ARHGEF18: variants seen among roughly 807,000 people sequenced by gnomAD.
ARHGEF18 encodes rho guanine nucleotide exchange factor 18.
A neutral mutation model predicts 155.7 loss-of-function variants in ARHGEF18; 93 were observed. The ratio of observed to expected loss-of-function variants is 0.60; its 90% confidence interval spans 0.50 to 0.71. The LOEUF (loss-of-function observed/expected upper bound fraction) is 0.71, where lower values mean the gene tolerates loss of function less well. ARHGEF18 is among the 30% of genes least tolerant of loss of function. ARHGEF18 has a pLI of 0.00. For missense variants in ARHGEF18, 1,593 were observed against 1,816.1 expected (o/e 0.88, Z 2.23); for synonymous variants, 742 against 753.1 (o/e 0.99, Z 0.24).
chr19:7,385,719 G>A (rs1476095516), intron 10 of ARHGEF18, among the ~76,000 whole-genome samples: 1 of 151,616 alleles, frequency 6.6e-6, no homozygotes, highest in Non-Finnish European at 1.5e-5. Context: ...CAAGTGATTT[G>A]CCTGCCTTGG....
chr19:7,460,197 G>A (rs915723328), intron 20 of ARHGEF18, among the ~76,000 whole-genome samples: 1 of 152,122 alleles, frequency 6.6e-6, no homozygotes, highest in Non-Finnish European at 1.5e-5. Context: ...CCCTTTGGGG[G>A]TATGTGGGAG....
intron 15 of ARHGEF18, among the ~76,000 whole-genome samples, chr19:7,448,513 T>C (rs1975146487): frequency 6.6e-6 from 1 of 151,938 alleles, no homozygotes; most frequent in African/African-American, 2.4e-5. Flanking sequence ...TACAAAAAAT[T>C]AGCCAGGCGT....
At chr19:7,412,633 T>C (rs1972756049) in intron 10 of ARHGEF18, among the ~76,000 whole-genome samples, 1 of 150,690 alleles carries the variant, frequency 6.6e-6, no homozygotes, top group Non-Finnish European at 1.5e-5. Flanking sequence ...TCCCAGCTAC[T>C]CAGGAGGCTG....
intron 17 of ARHGEF18, among the ~76,000 whole-genome samples, chr19:7,454,402 A>T (rs996014334): frequency 1.3e-5 from 2 of 150,302 alleles, no homozygotes; most frequent in Non-Finnish European, 3.0e-5. Context: ...CCATCTTGGA[A>T]TGGTGGCATC....
chr19:7,453,361 T>C (rs1975616304), intron 16 of ARHGEF18, 106 bp from the exon 17 acceptor site: 2 of 1,368,008 alleles, frequency 1.5e-6, no homozygotes, highest in Non-Finnish European at 1.9e-6. Context: ...CCATACATAG[T>C]GTGTCCACAC....
At chr19:7,428,755 A>C (rs1317919683) in intron 10 of ARHGEF18, among the ~76,000 whole-genome samples, 1 of 152,146 alleles carries the variant, frequency 6.6e-6, no homozygotes, top group East Asian at 2.0e-4. Context: ...GGGCCCCTGC[A>C]GGTCGAACCT....
chr19:7,409,951 A>AT (rs5826969), intron 10 of ARHGEF18, among the ~76,000 whole-genome samples: 3,922 of 123,782 alleles, frequency 0.032, 187 homozygotes, highest in African/African-American at 0.11. Context: ...TTTTTTTTGT[A>AT]TTTTTTTTTT....
intron 1 of ARHGEF18, among the ~76,000 whole-genome samples, chr19:7,352,832 CTTTT>C (rs587602037): frequency 2.0e-5 from 1 of 49,876 alleles, no homozygotes; most frequent in Non-Finnish European, 3.4e-5. Flanking sequence ...CGTGCCTGGC[CTTTT>C]TTTTTTTTTT....
At chr19:7,477,353 A>G (rs764104117), downstream of ARHGEF18, 5 of 1,555,274 alleles carry the variant, frequency 3.2e-6, no homozygotes, top group Non-Finnish European at 4.3e-6. Flanking sequence ...GGCGTTGGCC[A>G]GGTCGGCCAG....
chr19:7,452,588 C>T (rs187435130), intron 16 of ARHGEF18, among the ~76,000 whole-genome samples: 4 of 151,922 alleles, frequency 2.6e-5, no homozygotes, highest in African/African-American at 7.3e-5. Flanking sequence ...GCCTCAGCCT[C>T]CCGAGTAGCT....
the ARHGEF18 span, chr19:7,478,326 G>A: frequency 1.9e-6 from 3 of 1,610,890 alleles, no homozygotes; most frequent in South Asian, 1.1e-5. Flanking sequence ...GGTGAAGGGC[G>A]CCGTGGGGCT....
At chr19:7,387,215 C>T (rs143472361) in intron 10 of ARHGEF18, among the ~76,000 whole-genome samples, 141 of 152,170 alleles carry the variant, frequency 9.3e-4, no homozygotes, top group African/African-American at 3.3e-3. Context: ...TACGGTGGCG[C>T]GATCTCAGCT....
chr19:7,454,332 G>A (rs1017500668), intron 17 of ARHGEF18, among the ~76,000 whole-genome samples: 2 of 152,054 alleles, frequency 1.3e-5, no homozygotes, highest in African/African-American at 4.8e-5. Context: ...TGGATCAGTG[G>A]CATAGTCTTG....
chr19:7,441,779 C>T lies in ARHGEF18; in HGVS notation c.1219+14C>T, dbSNP rs745782600. 111 of 1,613,566 alleles carry T rather than the reference C, an allele frequency of 6.9e-5. No homozygotes were observed. Among genetic ancestry groups the T allele is most frequent in the African/African-American group, 1.3e-4 (10 of 74,906 alleles). ...TTTTTGTAGAAGGTATGGTCATCTCCGCTCTCTCGCGGCTGCCACACAGTT... is the reference window on the plus strand; with the variant it reads ...TTTTTGTAGAAGGTATGGTCATCTCTGCTCTCTCGCGGCTGCCACACAGTT... On this transcript the variant is annotated intron_variant, in intron 12 of 28. Transcript: ENST00000668164.
intron 10 of ARHGEF18, among the ~76,000 whole-genome samples, chr19:7,391,257 C>T (rs765775269): frequency 1.3e-5 from 2 of 152,018 alleles, no homozygotes; most frequent in Non-Finnish European, 1.5e-5. Flanking sequence ...CAGTCTGTCC[C>T]GTTTCCTCCC....
At chr19:7,478,280 T>C in the ARHGEF18 span, 4 of 1,600,390 alleles carry the variant, frequency 2.5e-6, no homozygotes, top group Non-Finnish European at 3.4e-6. Context: ...CTGGAGGGAG[T>C]GGGCCTCCCT....
chr19:7,468,455 G>C (rs937727526), intron 26 of ARHGEF18, among the ~76,000 whole-genome samples: 2 of 152,180 alleles, frequency 1.3e-5, no homozygotes, highest in African/African-American at 4.8e-5. Flanking sequence ...GCTGAGGCAG[G>C]GGGATCATTT....
chr19:7,396,227 AC>A (rs1336025124), intron 10 of ARHGEF18, among the ~76,000 whole-genome samples: 1 of 152,188 alleles, frequency 6.6e-6, no homozygotes, highest in East Asian at 1.9e-4. Context: ...AAGTTTTACC[AC>A]GGAAGCGAAG....
At chr19:7,466,515 AAAAG>A (rs1344163189) in intron 23 of ARHGEF18, among the ~76,000 whole-genome samples, 2 of 151,314 alleles carry the variant, frequency 1.3e-5, no homozygotes, top group Non-Finnish European at 3.0e-5. Context: ...AAAAAAAAAA[AAAAG>A]AAGCCAGGCA....
Sources: allele counts gnomAD v4.1 joint callset (sites outside exome capture counted in the v4.1 genomes callset), GRCh38; gene constraint gnomAD v4.1.1; transcripts MANE v1.5; gene names NCBI Gene and HGNC (gene_info 2026-07-23, HGNC 2026-07-21).